The following PLB1 variants were observed in gnomAD, a reference collection of about 807,000 sequenced individuals.
PLB1 encodes phospholipase B1, also known as phospholipase B1, membrane-associated.
In PLB1, 242 loss-of-function variants were observed where a neutral mutation model predicts 227.4. The observed-to-expected ratio is 1.06, with a 90% CI of 0.96 to 1.18. The LOEUF (loss-of-function observed/expected upper bound fraction) is 1.18. Among genes scored for constraint, PLB1 ranks in the 50% most tolerant of loss-of-function variants. The probability of loss-of-function intolerance (pLI) is 0.00; values close to 1 mark genes in which losing one functional copy is unlikely to be tolerated. For synonymous variants in PLB1, 757 were observed against 682.2 expected, an observed-to-expected ratio of 1.11 and a Z score of -1.71; for missense variants, 1,858 against 1,816.3, an observed-to-expected ratio of 1.02 and a Z score of -0.42.
At chr2:28,574,444 G>A (rs974437145) in intron 21 of PLB1, among the ~76,000 whole-genome samples, 1 of 137,714 alleles carries the variant, frequency 7.3e-6, no homozygotes, top group Non-Finnish European at 1.5e-5. Flanking sequence ...GTACAGTAGT[G>A]TGATCTCAGC....
chr2:28,577,560 C>T lies in PLB1; in HGVS notation c.1434-547C>T, dbSNP rs111769694. 9.7e-3 allele frequency among the ~76,000 whole-genome samples: 1,471 copies of T among 152,190 alleles called. 33 individuals are homozygous for T. The highest frequency in any genetic ancestry group is 0.034 in the African/African-American group (1,406 of 41,528). ...TATGCCAATCAGAAAATAGTCACAC[C>T]GGCCGGGCGCGGTGGCTCACGCCTG... On this transcript the variant is annotated intron_variant, in intron 21 of 57. Coordinates refer to ENST00000327757, the MANE Select transcript of PLB1 (RefSeq NM_153021.5).
At chr2:28,511,879 G>A (rs927179110) in intron 1 of PLB1, among the ~76,000 whole-genome samples, 12 of 149,742 alleles carry the variant, frequency 8.0e-5, no homozygotes, top group African/African-American at 3.0e-4. Context: ...CTGCCTCCTG[G>A]GTTCAAGTAA....
rs1472527285 is a variant in PLB1, at chr2:28,532,204, A to T, written c.555+10A>T. The stretch of plus-strand genomic sequence containing the variant: ...CCCCTCTGCTCAACAGGTAAATGGC[A>T]GCCTTGGGGACCAAGGGATTACAGA... On this transcript the variant is annotated intron_variant, in intron 9 of 57. Coordinates refer to ENST00000327757, the MANE Select transcript of PLB1 (RefSeq NM_153021.5). The T allele has an allele frequency of 1.2e-6, 2 of 1,601,084 alleles. No homozygotes were observed. Among genetic ancestry groups the T allele is most frequent in the Non-Finnish European group, 1.7e-6 (2 of 1,170,408 alleles).
At chr2:28,577,894 G>C (rs1358778856) in intron 21 of PLB1, among the ~76,000 whole-genome samples, 1 of 152,188 alleles carries the variant, frequency 6.6e-6, no homozygotes, top group Non-Finnish European at 1.5e-5. Flanking sequence ...CCTACGTGCA[G>C]TGCTCTGGCC....
At chr2:28,524,087 A>G (rs1558666081) in intron 4 of PLB1, among the ~76,000 whole-genome samples, 1 of 152,162 alleles carries the variant, frequency 6.6e-6, no homozygotes, top group African/African-American at 2.4e-5. Context: ...AGCTGCAGAG[A>G]CGTGACCTAG....
chr2:28,522,605 C>T (rs570770866), intron 4 of PLB1, among the ~76,000 whole-genome samples: 5 of 152,296 alleles, frequency 3.3e-5, no homozygotes, highest in African/African-American at 7.2e-5. Flanking sequence ...AATCTCCGCC[C>T]AGCGTTGGTC....
At chr2:28,531,432 C>G (rs984481265) in intron 8 of PLB1, among the ~76,000 whole-genome samples, 9 of 152,192 alleles carry the variant, frequency 5.9e-5, no homozygotes, top group African/African-American at 1.4e-4. Context: ...CTGCCTCAGC[C>G]TCCCAAGTAG....
chr2:28,589,534 G>A lies in PLB1; in HGVS notation c.1900G>A (p.Val634Met), dbSNP rs142077640. 3.1e-5 allele frequency: 50 copies of A among 1,614,072 alleles called. No homozygotes were observed. The highest frequency in any genetic ancestry group is 4.5e-5 in the East Asian group (2 of 44,896). Residue 634 changes from valine (V) to methionine (M), a missense_variant, in exon 27 of 58, where the codon GTG becomes ATG. By Grantham distance (21) the Val-to-Met change is conservative. Coordinates refer to ENST00000327757, the MANE Select transcript of PLB1 (RefSeq NM_153021.5). ...GGTTGTGCAGCCGTTCTTTGAAAAC[G>A]TGGACATGCCAAAGACCTCGGTAAA... Reference protein sequence around the residue: ...TVVVQPFFENVDMPKTSEGLP... With the variant: ...TVVVQPFFENMDMPKTSEGLP...
chr2:28,628,660 G>T (rs754584166), intron 52 of PLB1, 32 bp downstream of exon 52: 1 of 1,602,896 alleles, frequency 6.2e-7, no homozygotes, highest in South Asian at 1.1e-5. Flanking sequence ...CCTGGGTCCC[G>T]CCAGCCACCT....
chr2:28,558,376 G>A (rs1014896348), intron 17 of PLB1, among the ~76,000 whole-genome samples: 2 of 152,130 alleles, frequency 1.3e-5, no homozygotes, highest in African/African-American at 4.8e-5. Flanking sequence ...ATGCATTATG[G>A]CAGTAAGAAT....
chr2:28,591,256 G>C, intron 30 of PLB1, 85 bp downstream of exon 30: 1 of 1,552,994 alleles, frequency 6.4e-7, no homozygotes, highest in Non-Finnish European at 8.9e-7. Flanking sequence ...GGACAGGGTG[G>C]GAAAGCGGGC....
chr2:28,500,357 G>A lies in PLB1; in HGVS notation c.55+4188G>A, dbSNP rs144238290. Among the ~76,000 whole-genome samples, 221 of 152,278 alleles carry A rather than the reference G, an allele frequency of 1.5e-3. No homozygotes were observed. The Middle Eastern group carries it at 0.017, about 12-fold the overall frequency. On this transcript the variant is annotated intron_variant, in intron 1 of 57. Coordinates refer to ENST00000327757, the MANE Select transcript of PLB1 (RefSeq NM_153021.5). ...AATTTGATAACTTGGTGAAGGTGTG[G>A]CTGCCTGACTTTTTTCCCTTGTGAA...
rs1255681793 is a variant in PLB1, at chr2:28,585,802, C to A, written c.1775C>A (p.Thr592Lys). ...GTCCTGAAGTTTGATGATAACTCAA[C>A]AGAACTTGCTACCCTCATCGAATTC... is the stretch of plus-strand genomic sequence containing the variant. Reference protein sequence around the residue: ...PCVLKFDDNSTELATLIEFNK... With the variant: ...PCVLKFDDNSKELATLIEFNK... Residue 592 changes from threonine to lysine, a missense_variant, in exon 26 of 58, where the codon ACA becomes AAA. Thr to Lys is a moderately conservative substitution (Grantham distance 78). Transcript: ENST00000327757. 2 of 1,612,634 alleles carry A rather than the reference C, an allele frequency of 1.2e-6. No individual in the cohort carries two copies. The highest frequency in any genetic ancestry group is 1.7e-6 in the Non-Finnish European group (2 of 1,178,758).
rs754046529 is a variant in PLB1 at position 28,541,756 on chromosome 2, C to T, written c.824C>T (p.Ser275Phe). ...LASSRYSEQE[S>F]FTVVFQPFFY... ...TCCAGCAGGTACAGTGAGCAGGAGT[C>T]CTTCACCGTGGTTTTCCAGCCTTTC... Residue 275 changes from serine (S) to phenylalanine (F), a missense_variant, in exon 13 of 58, where the codon TCC becomes TTC. Coordinates refer to ENST00000327757, the MANE Select transcript of PLB1 (RefSeq NM_153021.5). 4 of 1,614,048 alleles carry T rather than the reference C, an allele frequency of 2.5e-6. No individual in the cohort carries two copies. The South Asian group carries it at 3.3e-5, about 13-fold the overall frequency.
intron 1 of PLB1, among the ~76,000 whole-genome samples, chr2:28,510,564 T>C (rs1668114936): frequency 6.6e-6 from 1 of 152,038 alleles, no homozygotes; most frequent in Non-Finnish European, 1.5e-5. Flanking sequence ...ATGTTTCAAT[T>C]CACCCTACCT....
intron 44 of PLB1, among the ~76,000 whole-genome samples, chr2:28,616,387 CTAAT>C (rs932650472): frequency 1.2e-4 from 18 of 152,224 alleles, no homozygotes; most frequent in African/African-American, 4.1e-4. Flanking sequence ...AAAAGCAAAA[CTAAT>C]AAAGTGGCCA....
intron 17 of PLB1, among the ~76,000 whole-genome samples, chr2:28,555,739 A>G (rs769518304): frequency 1.3e-5 from 2 of 152,186 alleles, no homozygotes; most frequent in Admixed American, 6.5e-5. Flanking sequence ...CAGATGAACA[A>G]TCCCTAGGAT....
chr2:28,560,320 G>A (rs1243634725), intron 17 of PLB1, among the ~76,000 whole-genome samples: 1 of 152,134 alleles, frequency 6.6e-6, no homozygotes, highest in African/African-American at 2.4e-5. Context: ...GGGAGTGGGA[G>A]GTGAGCTTGT....
At chr2:28,555,174 C>T (rs374709817) in intron 17 of PLB1, among the ~76,000 whole-genome samples, 126 of 110,904 alleles carry the variant, frequency 1.1e-3, no homozygotes, top group African/African-American at 4.3e-3. Flanking sequence ...CAGAGTTTTG[C>T]TCTGTCACCC....
Sources: allele counts gnomAD v4.1 joint callset (sites outside exome capture counted in the v4.1 genomes callset), GRCh38; gene constraint gnomAD v4.1.1; transcripts MANE v1.5; gene names NCBI Gene and HGNC (gene_info 2026-07-23, HGNC 2026-07-21).